Variants in MLIP observed in about 807,000 individuals in gnomAD.
MLIP encodes the protein muscular LMNA-interacting protein.
MLIP carries 79 observed loss-of-function variants against 84.8 expected under a neutral mutation model. The observed-to-expected ratio is 0.93, with a 90% CI of 0.78 to 1.12. The LOEUF is 1.12. Ranked by LOEUF, MLIP falls within the 50% of genes most tolerant of loss-of-function variation. MLIP has a pLI of 0.00. For missense variants in MLIP, 1,257 were observed against 1,160.6 expected, an observed-to-expected ratio of 1.08 and a Z score of -1.21; for synonymous variants, 504 against 463.0, an observed-to-expected ratio of 1.09 and a Z score of -1.14.
intron 1 of MLIP, among the ~76,000 whole-genome samples, chr6:54,050,468 T>C (rs930949448): frequency 3.3e-5 from 5 of 152,160 alleles, no homozygotes; most frequent in African/African-American, 1.2e-4. Context: ...ATTTGAACAT[T>C]ATTGTTCTCA....
rs1777341959 is a variant in MLIP at position 54,185,879 on chromosome 6, C to A, written c.2545-3991C>A. The stretch of plus-strand genomic sequence containing the variant: ...AATAATGAAAACTTAGGTGAACTGA[C>A]AAAAACACCATGATGGATATTCTGA... On this transcript the variant is annotated intron_variant, in intron 9 of 13. Transcript: ENST00000502396. Among the ~76,000 whole-genome samples the A allele has an allele frequency of 4.6e-5, 7 of 152,204 alleles. No individual in the cohort carries two copies. In the South Asian group the frequency reaches 1.0e-3, roughly 23 times the overall value.
intron 1 of MLIP, among the ~76,000 whole-genome samples, chr6:54,038,595 T>C (rs1764575678): frequency 6.6e-6 from 1 of 151,826 alleles, no homozygotes; most frequent in Non-Finnish European, 1.5e-5. Flanking sequence ...AGATTTTTTC[T>C]TTATATTTAT....
intron 1 of MLIP, among the ~76,000 whole-genome samples, chr6:54,061,558 C>G (rs1169857255): frequency 6.6e-6 from 1 of 152,144 alleles, no homozygotes; most frequent in Non-Finnish European, 1.5e-5. Context: ...TACCAGGCAG[C>G]AGGCTCTGAT....
Position 54,053,164 on chromosome 6 carries a change from C to T in MLIP, c.63+34073C>T, listed in dbSNP as rs530592709. ...AAAATGGCAATAGCAGGACTTGATC[C>T]TAGGTATTCCTGGCTCTGATACCCA... is the stretch of plus-strand genomic sequence containing the variant. On this transcript the variant is annotated intron_variant, in intron 1 of 12. Transcript: ENST00000274897. Among the ~76,000 whole-genome samples, 50 of 152,218 alleles carry T rather than the reference C, an allele frequency of 3.3e-4. 1 individual carries two copies. In the South Asian group the frequency reaches 0.01, roughly 31 times the overall value.
intron 3 of MLIP, among the ~76,000 whole-genome samples, chr6:54,131,135 C>T (rs1412993370): frequency 1.3e-5 from 2 of 152,164 alleles, no homozygotes; most frequent in African/African-American, 4.8e-5. Context: ...TAGCTTACCA[C>T]AAATGTAGTG....
intron 3 of MLIP, among the ~76,000 whole-genome samples, chr6:54,125,786 A>G (rs1770873836): frequency 6.6e-6 from 1 of 152,084 alleles, no homozygotes; most frequent in African/African-American, 2.4e-5. Context: ...CAATCAACCC[A>G]AAGTAGTTTA....
At chr6:54,245,562 G>A (rs1486295721) in intron 12 of MLIP, among the ~76,000 whole-genome samples, 1 of 152,146 alleles carries the variant, frequency 6.6e-6, no homozygotes, top group Admixed American at 6.6e-5. Flanking sequence ...GAAATGTAAT[G>A]AAAACCAGGA....
At chr6:54,111,777 A>G (rs1326688403) in intron 1 of MLIP, among the ~76,000 whole-genome samples, 1 of 152,232 alleles carries the variant, frequency 6.6e-6, no homozygotes, top group Non-Finnish European at 1.5e-5. Flanking sequence ...GAAAATGCTC[A>G]GGATTGCCCT....
intron 1 of MLIP, among the ~76,000 whole-genome samples, chr6:54,041,292 C>T (rs80318738): frequency 0.018 from 2,775 of 152,072 alleles, 83 homozygotes; most frequent in African/African-American, 0.064. Context: ...TGCATTGTAT[C>T]GGTGTTCCAC....
chr6:54,123,577 C>G (rs1422095642), intron 2 of MLIP, among the ~76,000 whole-genome samples: 1 of 152,114 alleles, frequency 6.6e-6, no homozygotes, highest in Non-Finnish European at 1.5e-5. Context: ...ACAATACATG[C>G]ACACACAGTA....
intron 1 of MLIP, among the ~76,000 whole-genome samples, chr6:54,061,805 A>G (rs1240580467): frequency 6.6e-6 from 1 of 152,186 alleles, no homozygotes; most frequent in African/African-American, 2.4e-5. Context: ...TGAGTATTAC[A>G]GGGTTTATTA....
At chr6:54,074,239 T>A (rs1766657194) in intron 1 of MLIP, among the ~76,000 whole-genome samples, 1 of 152,214 alleles carries the variant, frequency 6.6e-6, no homozygotes, top group Non-Finnish European at 1.5e-5. Context: ...TTTATAGCAC[T>A]TCTGAGTGCT....
chr6:54,179,534 T>C (rs1247032246), intron 9 of MLIP, among the ~76,000 whole-genome samples: 4 of 152,154 alleles, frequency 2.6e-5, no homozygotes, highest in Admixed American at 2.6e-4. Context: ...GTTGTATGCT[T>C]TAATTTTTTG....
At chr6:54,127,557 A>G (rs1771025291) in intron 3 of MLIP, among the ~76,000 whole-genome samples, 1 of 152,132 alleles carries the variant, frequency 6.6e-6, no homozygotes, top group Admixed American at 6.6e-5. Flanking sequence ...TTTTATAATT[A>G]TCATAGGCAG....
chr6:54,043,781 C>T (rs751404575), intron 1 of MLIP, among the ~76,000 whole-genome samples: 2 of 152,114 alleles, frequency 1.3e-5, no homozygotes, highest in African/African-American at 2.4e-5. Flanking sequence ...AGCCCACAGT[C>T]TTAACTAATT....
At chr6:54,130,022 C>T (rs138362400) in intron 3 of MLIP, among the ~76,000 whole-genome samples, 6 of 152,172 alleles carry the variant, frequency 3.9e-5, no homozygotes, top group East Asian at 1.9e-4. Flanking sequence ...CTCTCCATTT[C>T]GTTTCGTGCT....
At chr6:54,166,726 T>C (rs1368599870) in intron 8 of MLIP, among the ~76,000 whole-genome samples, 1 of 151,782 alleles carries the variant, frequency 6.6e-6, no homozygotes, top group Non-Finnish European at 1.5e-5. Flanking sequence ...CTGTTTTATG[T>C]TATAAAAACT....
At chr6:54,108,680 G>A (rs1270890981), upstream of MLIP, among the ~76,000 whole-genome samples, 1 of 152,170 alleles carries the variant, frequency 6.6e-6, no homozygotes, top group Non-Finnish European at 1.5e-5. Context: ...AGAGAAAAAT[G>A]TCAAAATAAT....
chr6:54,161,008 ATAATGCAAGG>A (rs1438564563), intron 8 of MLIP, among the ~76,000 whole-genome samples: 2 of 152,084 alleles, frequency 1.3e-5, no homozygotes, highest in Non-Finnish European at 2.9e-5. Flanking sequence ...ATGTGCACAT[ATAATGCAAGG>A]TAAGTGTATA....
Sources: gnomAD v4.1 joint callset for allele counts (sites outside exome capture counted in the v4.1 genomes callset) on GRCh38, gnomAD v4.1.1 for gene constraint, MANE v1.5 for transcripts, NCBI Gene and HGNC (gene_info 2026-07-23, HGNC 2026-07-21) for gene names.